UGT1A5: variants seen among roughly 807,000 people sequenced by gnomAD.
UGT1A5 encodes UDP-glucuronosyltransferase 1A5.
Under a neutral mutation model 40.3 loss-of-function variants are expected in UGT1A5, and 29 were observed. The observed-to-expected ratio is 0.72, with a 90% CI of 0.54 to 0.98. The LOEUF (loss-of-function observed/expected upper bound fraction) is 0.98, where lower values mean the gene tolerates loss of function less well. Ranked by LOEUF, UGT1A5 falls within the 50% of genes least tolerant of loss-of-function variation. The probability of loss-of-function intolerance (pLI) is 0.00; values close to 1 mark genes in which losing one functional copy is unlikely to be tolerated. For missense variants in UGT1A5, 678 were observed against 677.9 expected (o/e 1.00, Z 0.00); for synonymous variants, 257 against 262.5 (o/e 0.98, Z 0.20).
At chr2:233,760,288 A>T (rs1697385056) in intron 1 of UGT1A5, 1 of 1,613,272 alleles carries the variant, frequency 6.2e-7, no homozygotes, top group East Asian at 2.2e-5. Flanking sequence ...CAAAGGCGCC[A>T]TGGCTGTGGA....
rs936360060 is a variant in UGT1A5 at position 233,744,308 on chromosome 2, A to G, written c.868-22726A>G. On this transcript the variant is annotated intron_variant, in intron 1 of 4. Coordinates refer to ENST00000373414, the MANE Select transcript of UGT1A5 (RefSeq NM_019078.2). Reference sequence around the variant, plus strand: ...GTCTTTTTCCTCGGCCACAGGAGGGAAGAGGGTGGTGGGAGTGAGTTTAGT... The same window carrying G: ...GTCTTTTTCCTCGGCCACAGGAGGGGAGAGGGTGGTGGGAGTGAGTTTAGT... Among the ~76,000 whole-genome samples, 68 of 151,726 alleles carry G rather than the reference A, an allele frequency of 4.5e-4. 2 individuals are homozygous for G. The highest frequency in any genetic ancestry group is 1.7e-3 in the African/African-American group (68 of 41,046).
At chr2:233,760,463 T>C in intron 1 of UGT1A5, 1 of 1,614,204 alleles carries the variant, frequency 6.2e-7, no homozygotes, top group Non-Finnish European at 8.5e-7. Context: ...GAAATAGTTG[T>C]CCTAGCACCT....
At chr2:233,760,745 T>A (rs1697549301) in intron 1 of UGT1A5, 1 of 1,614,020 alleles carries the variant, frequency 6.2e-7, no homozygotes, top group Non-Finnish European at 8.5e-7. Flanking sequence ...ACGGACCCTT[T>A]CCTTCCTTGC....
chr2:233,729,414 C>T (rs1422584359), intron 1 of UGT1A5: 3 of 1,613,716 alleles, frequency 1.9e-6, no homozygotes, highest in Non-Finnish European at 2.5e-6. Context: ...TGCTGGGCCA[C>T]ACTCAACTGT....
In UGT1A5 at chr2:233,769,743, C is replaced by T. The variant is rs1376344823; in HGVS notation, c.1307+1304C>T. Reference sequence around the variant, plus strand: ...CATGGCACACGCCTGTAGTCCCAGCCACTCTGGAGGCTAAGGCGGGAGGAT... The same window carrying T: ...CATGGCACACGCCTGTAGTCCCAGCTACTCTGGAGGCTAAGGCGGGAGGAT... On this transcript the variant is annotated intron_variant, in intron 4 of 4. Coordinates refer to ENST00000373414, the MANE Select transcript of UGT1A5 (RefSeq NM_019078.2). The surrounding 1 kb of genome is among the most constrained non-coding windows in gnomAD (Gnocchi z 4.4). The T allele has an allele frequency of 1.2e-5, 17 of 1,445,490 alleles. No homozygotes were observed. The East Asian group carries it at 4.3e-4, about 36-fold the overall frequency. 89.5% of individuals were successfully genotyped at this position (1,445,490 alleles called of 1,614,324 possible).
chr2:233,760,386 C>A, intron 1 of UGT1A5: 1 of 1,614,180 alleles, frequency 6.2e-7, no homozygotes. Flanking sequence ...TACTGTTGAT[C>A]CCAGTGGATG....
chr2:233,730,805 C>T lies in UGT1A5; in HGVS notation c.867+16947C>T, dbSNP rs1300674674. On this transcript the variant is annotated intron_variant, in intron 1 of 4. Coordinates refer to ENST00000373414, the MANE Select transcript of UGT1A5 (RefSeq NM_019078.2). ...CTGGGGACAGTGATGAATGGACATG[C>T]GTCCAAGAAGGGAAGCATTTCTCAG... Among the ~76,000 whole-genome samples the T allele has an allele frequency of 3.3e-5, 5 of 152,230 alleles. 1 individual carries two copies. The highest frequency in any genetic ancestry group is 2.0e-4 in the Admixed American group (3 of 15,282).
intron 1 of UGT1A5, among the ~76,000 whole-genome samples, chr2:233,725,934 T>C (rs986998234): frequency 1.6e-4 from 25 of 152,166 alleles, no homozygotes; most frequent in Admixed American, 5.2e-4. Context: ...GGGAGACTGA[T>C]GCAGGAGGAT....
intron 1 of UGT1A5, among the ~76,000 whole-genome samples, chr2:233,763,591 A>G (rs1698352933): frequency 6.6e-6 from 1 of 152,190 alleles, no homozygotes; most frequent in Non-Finnish European, 1.5e-5. Flanking sequence ...TCCTTTGTTA[A>G]CTAAAAATGC....
chr2:233,739,318 A>G (rs1691049780), intron 1 of UGT1A5, among the ~76,000 whole-genome samples: 1 of 152,136 alleles, frequency 6.6e-6, no homozygotes, highest in African/African-American at 2.4e-5. Flanking sequence ...GAGTTGTGAG[A>G]AGAAGGCCAC....
chr2:233,729,130 G>A, intron 1 of UGT1A5: 3 of 1,613,182 alleles, frequency 1.9e-6, no homozygotes, highest in Non-Finnish European at 2.5e-6. Context: ...TGCTGAGATG[G>A]CCACAGGACT....
rs766039492 is a variant in UGT1A5, at chr2:233,760,243, T to C, written c.868-6791T>C. The C allele has an allele frequency of 1.9e-6, 3 of 1,608,014 alleles. No homozygotes were observed. In the Admixed American group the frequency reaches 5.0e-5, roughly 27 times the overall value. ...TCGATTGGTTTTTGCCATATATATATATATAAGTAGGAGAGGGCGAACCTC... is the reference window on the plus strand; with the variant it reads ...TCGATTGGTTTTTGCCATATATATACATATAAGTAGGAGAGGGCGAACCTC... On this transcript the variant is annotated intron_variant, in intron 1 of 4. Coordinates refer to ENST00000373414, the MANE Select transcript of UGT1A5 (RefSeq NM_019078.2).
intron 1 of UGT1A5, chr2:233,747,082 G>A (rs1458761598): frequency 2.6e-6 from 3 of 1,146,350 alleles, no homozygotes; most frequent in Non-Finnish European, 3.6e-6. Flanking sequence ...TTAACTAGGA[G>A]GAGAGCACTC....
chr2:233,772,284 C>T lies in UGT1A5; in HGVS notation c.1330C>T (p.Leu444Phe), dbSNP rs1445186018. 3.1e-6 allele frequency: 5 copies of T among 1,614,128 alleles called. No homozygotes were observed. Among genetic ancestry groups the T allele is most frequent in the African/African-American group, 1.3e-5 (1 of 74,936 alleles). The change falls in exon 5 of 5, where the codon CTC becomes TTC. Residue 444 changes from leucine to phenylalanine, a missense_variant. Physicochemically the swap from Leu to Phe is conservative, Grantham distance 22. Transcript: ENST00000373414. ...TAGTTACAAGGAGAACATCATGCGC[C>T]TCTCCAGCCTTCACAAGGACCGCCC... Reference protein sequence around the residue: ...DKSYKENIMRLSSLHKDRPVE... With the variant: ...DKSYKENIMRFSSLHKDRPVE...
chr2:233,754,946 G>A, intron 1 of UGT1A5: 1 of 1,327,700 alleles, frequency 7.5e-7, no homozygotes, highest in Non-Finnish European at 1.0e-6. Context: ...AGGAGAATGG[G>A]TCCCGGCCGC....
intron 1 of UGT1A5, among the ~76,000 whole-genome samples, chr2:233,757,344 G>C (rs1023299797): frequency 6.6e-6 from 1 of 150,900 alleles, no homozygotes; most frequent in Non-Finnish European, 1.5e-5. Flanking sequence ...ATGACAGCTG[G>C]GTCTGAGAGA....
At position 233,713,884 on chromosome 2, in the gene UGT1A5, C is replaced by T. The variant is rs182934742; in HGVS notation, c.867+26C>T. 373 of 1,613,558 alleles carry T rather than the reference C, an allele frequency of 2.3e-4. 1 individual carries two copies. The African/African-American group carries it at 4.1e-3, about 18-fold the overall frequency. On this transcript the variant is annotated intron_variant, in intron 1 of 4. Coordinates refer to ENST00000373414, the MANE Select transcript of UGT1A5 (RefSeq NM_019078.2). ...GTCTGTATTGGTGCCTTTATCCAAT[C>T]AATGTTCCAGGCAAAACACTTTTTA...
intron 1 of UGT1A5, among the ~76,000 whole-genome samples, chr2:233,733,535 T>G (rs1019669539): frequency 5.4e-4 from 82 of 152,358 alleles, no homozygotes; most frequent in Non-Finnish European, 5.9e-5. Flanking sequence ...TTAATTTTGT[T>G]GAAGGCCTTT....
chr2:233,737,293 C>T (rs2078860261), intron 1 of UGT1A5, among the ~76,000 whole-genome samples: 1 of 152,250 alleles, frequency 6.6e-6, no homozygotes, highest in Non-Finnish European at 1.5e-5. Context: ...CAGGCTGCCG[C>T]CTCACAGTTC....
Sources: allele counts gnomAD v4.1 joint callset (sites outside exome capture counted in the v4.1 genomes callset), GRCh38; gene constraint gnomAD v4.1.1; non-coding constraint Gnocchi (gnomAD v3.1); transcripts MANE v1.5; gene names NCBI Gene and HGNC (gene_info 2026-07-23, HGNC 2026-07-21).